Variants in LCOR observed in about 807,000 individuals in gnomAD.
LCOR encodes the protein ligand dependent nuclear receptor corepressor.
In LCOR, 14 loss-of-function variants were observed where a neutral mutation model predicts 64.4. The observed-to-expected ratio is 0.22, with a 90% CI of 0.14 to 0.34. The LOEUF is 0.34. LCOR is among the 10% of genes least tolerant of loss of function. The probability of loss-of-function intolerance (pLI) is 1.00; values close to 1 mark genes in which losing one functional copy is unlikely to be tolerated. For missense variants in LCOR, 1,686 were observed against 1,765.3 expected, an observed-to-expected ratio of 0.96 and a Z score of 0.80; for synonymous variants, 643 against 642.5, an observed-to-expected ratio of 1.00 and a Z score of -0.01.
rs1848160516 is a variant in LCOR, at chr10:96,987,811, T to A, written c.*2677T>A. On this transcript the variant is annotated 3_prime_UTR_variant, in exon 8 of 8. Coordinates refer to ENST00000421806, the MANE Select transcript of LCOR (RefSeq NM_001346516.2). ...GGTACTGGCAAAGCAGTTTCCCAGA[T>A]ACCTCCAAGCTCAGGTGTGGTATTG... 1 of 152,238 alleles carries A rather than the reference T, an allele frequency of 6.6e-6. No homozygotes were observed. The highest frequency in any genetic ancestry group is 6.5e-5 in the Admixed American group (1 of 15,278). The allele number at this position is 152,238 out of a possible 1,614,324, so 9.4% of individuals were successfully genotyped here. A position where few individuals can be genotyped will look rare whatever the true frequency, so the allele number is the denominator to read the frequency against.
chr10:96,942,924 C>T (rs896704611), intron 4 of LCOR, among the ~76,000 whole-genome samples: 1 of 152,124 alleles, frequency 6.6e-6, no homozygotes, highest in East Asian at 1.9e-4. Flanking sequence ...ATGCATTTAG[C>T]TTCTTAAAAA....
chr10:96,914,657 C>A (rs1308968644), intron 4 of LCOR, among the ~76,000 whole-genome samples: 4 of 152,228 alleles, frequency 2.6e-5, no homozygotes, highest in Non-Finnish European at 5.9e-5. Flanking sequence ...CTCCCTTCTT[C>A]AGTGGACTAC....
chr10:96,906,965 G>A (rs1260377718), intron 2 of LCOR, among the ~76,000 whole-genome samples: 1 of 152,208 alleles, frequency 6.6e-6, no homozygotes, highest in Non-Finnish European at 1.5e-5. Context: ...GAGCCTGAGA[G>A]TTTGTACAAA....
At chr10:96,897,375 T>A (rs1303684138) in intron 2 of LCOR, among the ~76,000 whole-genome samples, 2 of 152,210 alleles carry the variant, frequency 1.3e-5, no homozygotes, top group Admixed American at 1.3e-4. Context: ...TTGTGGCCTA[T>A]GGATTGTGAA....
chr10:96,836,506 G>A (rs1171964257), intron 2 of LCOR, among the ~76,000 whole-genome samples: 1 of 152,184 alleles, frequency 6.6e-6, no homozygotes, highest in African/African-American at 2.4e-5. Context: ...ACCAGGCACT[G>A]TGGGCAAACA....
At chr10:96,972,196 G>C (rs1848005155) in intron 7 of LCOR, among the ~76,000 whole-genome samples, 1 of 151,930 alleles carries the variant, frequency 6.6e-6, no homozygotes, top group South Asian at 2.1e-4. Flanking sequence ...ATGAGGTAAA[G>C]GGGTAAAATA....
chr10:96,855,602 T>C (rs1311253798), intron 2 of LCOR, among the ~76,000 whole-genome samples: 1 of 151,078 alleles, frequency 6.6e-6, no homozygotes, highest in African/African-American at 2.4e-5. Context: ...ACTTGGCTAA[T>C]GTTTTATATT....
chr10:96,836,297 T>C (rs954683828), intron 2 of LCOR, among the ~76,000 whole-genome samples: 1 of 151,876 alleles, frequency 6.6e-6, no homozygotes, highest in Non-Finnish European at 1.5e-5. Flanking sequence ...TTATTTAGAG[T>C]TTTTTTTAGA....
At chr10:96,882,970 G>A (rs1271672533) in intron 2 of LCOR, among the ~76,000 whole-genome samples, 1 of 152,064 alleles carries the variant, frequency 6.6e-6, no homozygotes, top group Non-Finnish European at 1.5e-5. Flanking sequence ...TTACTACCAG[G>A]CATCTTAGTT....
rs988699856 is a variant in LCOR, at chr10:96,910,964, C to T, written c.-184+3217C>T. ...CTTTGGGAAGTAGAACAGGGATTCACCTAGAGATTAGTAAAAATTTTTGAA... is the reference window on the plus strand; with the variant it reads ...CTTTGGGAAGTAGAACAGGGATTCATCTAGAGATTAGTAAAAATTTTTGAA... On this transcript the variant is annotated intron_variant, in intron 4 of 7. Coordinates refer to ENST00000421806, the MANE Select transcript of LCOR (RefSeq NM_001346516.2). Among the ~76,000 whole-genome samples the T allele has an allele frequency of 2.0e-5, 3 of 152,102 alleles. No individual in the cohort carries two copies. The East Asian group carries it at 5.8e-4, about 29-fold the overall frequency.
chr10:96,981,038 T>G lies in LCOR; in HGVS notation c.578T>G (p.Leu193Arg), dbSNP rs778410340. Residue 193 changes from leucine (L) to arginine (R), a missense_variant, in exon 8 of 8, where the codon CTG becomes CGG. Physicochemically the swap from Leu to Arg is moderately radical, Grantham distance 102. Coordinates refer to ENST00000421806, the MANE Select transcript of LCOR (RefSeq NM_001346516.2). ...LSTKHKEKDA[L>R]CLDMKSSASV... ...ACCAAACATAAGGAAAAAGATGCTCTGTGTCTCGATATGAAGTCTTCTGCT... is the reference window on the plus strand; with the variant it reads ...ACCAAACATAAGGAAAAAGATGCTCGGTGTCTCGATATGAAGTCTTCTGCT... 2.8e-6 allele frequency: 2 copies of G among 703,050 alleles called. No homozygotes were observed. Among genetic ancestry groups the G allele is most frequent in the South Asian group, 3.0e-5 (2 of 67,592 alleles). 43.6% of individuals were successfully genotyped at this position (703,050 alleles called of 1,614,324 possible). A position where few individuals can be genotyped will look rare whatever the true frequency, so the allele number is the denominator to read the frequency against.
intron 2 of LCOR, among the ~76,000 whole-genome samples, chr10:96,859,366 CATCTGGCTAATT>C (rs1845852153): frequency 6.6e-6 from 1 of 152,136 alleles, no homozygotes; most frequent in South Asian, 2.1e-4. Flanking sequence ...CCTGCCACCA[CATCTGGCTAATT>C]TTTTTGTATT....
chr10:96,888,833 A>G (rs1383232359), intron 2 of LCOR, among the ~76,000 whole-genome samples: 2 of 152,154 alleles, frequency 1.3e-5, no homozygotes, highest in African/African-American at 2.4e-5. Context: ...GCCCCACCCA[A>G]AACCTCTGGC....
At chr10:96,915,777 T>C (rs1195432583) in intron 4 of LCOR, 11 of 616,846 alleles carry the variant, frequency 1.8e-5, no homozygotes, top group Non-Finnish European at 3.1e-5. Context: ...GCAGGGCCCT[T>C]TTGAAGCTTG....
chr10:96,927,087 T>C (rs1196297634), intron 4 of LCOR, among the ~76,000 whole-genome samples: 1 of 152,214 alleles, frequency 6.6e-6, no homozygotes, highest in Non-Finnish European at 1.5e-5. Flanking sequence ...CGTTATATTA[T>C]GATACGGTTT....
chr10:96,955,581 T>G, intron 7 of LCOR: 1 of 1,614,146 alleles, frequency 6.2e-7, no homozygotes, highest in East Asian at 2.2e-5. Context: ...GCAGTCTACC[T>G]CTGGACAGCC....
In LCOR at chr10:96,852,052, T is replaced by A. The variant is rs181226508; in HGVS notation, c.-330+18573T>A. Among the ~76,000 whole-genome samples the A allele has an allele frequency of 5.9e-5, 9 of 152,348 alleles. No homozygotes were observed. In the East Asian group the frequency reaches 1.7e-3, roughly 29 times the overall value. ...CATGGGTGGCTGAGAAGGTGACATC[T>A]TGGTTTCTGATGCTTCAATGTATAC... is the stretch of plus-strand genomic sequence containing the variant. On this transcript the variant is annotated intron_variant, in intron 2 of 7. Coordinates refer to ENST00000421806, the MANE Select transcript of LCOR (RefSeq NM_001346516.2).
At position 96,832,791 on chromosome 10, in the gene LCOR, C is replaced by T. The variant is rs542440109; in HGVS notation, c.-404+392C>T. Among the ~76,000 whole-genome samples the T allele has an allele frequency of 3.1e-3, 468 of 150,654 alleles. 7 individuals are homozygous for T. Among genetic ancestry groups the T allele is most frequent in the African/African-American group, 0.01 (421 of 41,352 alleles). On this transcript the variant is annotated intron_variant, in intron 1 of 7. Coordinates refer to ENST00000421806, the MANE Select transcript of LCOR (RefSeq NM_001346516.2). The stretch of plus-strand genomic sequence containing the variant: ...GGCGACTCGCCTCGCGGCGCTGCCG[C>T]TGTACTGGGGGAGGCGCGAGGGGCG...
chr10:96,920,780 ACACACACACACGCG>A (rs1390080957), intron 4 of LCOR, among the ~76,000 whole-genome samples: 5 of 125,102 alleles, frequency 4.0e-5, no homozygotes, highest in African/African-American at 1.7e-4. Flanking sequence ...ACACACACAC[ACACACACACACGCG>A]CGGTGGGGGG....
Sources: allele counts gnomAD v4.1 joint callset (sites outside exome capture counted in the v4.1 genomes callset), GRCh38; gene constraint gnomAD v4.1.1; transcripts MANE v1.5; gene names NCBI Gene and HGNC (gene_info 2026-07-23, HGNC 2026-07-21).